Variants in HEMK2 observed in about 807,000 individuals in gnomAD.
HEMK2 encodes the protein methyltransferase HEMK2.
At chr21:28,766,875 T>C in the HEMK2 span, among the ~76,000 whole-genome samples, 2 of 152,030 alleles carry the variant, frequency 1.3e-5, no homozygotes, top group African/African-American at 4.8e-5. Flanking sequence ...GGGTGAGGGA[T>C]AAAAGACTAT....
the HEMK2 span, among the ~76,000 whole-genome samples, chr21:28,683,697 G>C: frequency 6.6e-6 from 1 of 152,066 alleles, no homozygotes; most frequent in Non-Finnish European, 1.5e-5. Flanking sequence ...TACATCTCCA[G>C]TGTTAGCGAT....
the HEMK2 span, among the ~76,000 whole-genome samples, chr21:28,799,997 G>T: frequency 1.3e-5 from 2 of 152,086 alleles, no homozygotes; most frequent in Non-Finnish European, 2.9e-5. Flanking sequence ...CTCAAGTCTG[G>T]CAGTATACAC....
the HEMK2 span, among the ~76,000 whole-genome samples, chr21:28,664,584 C>T: frequency 6.6e-6 from 1 of 152,014 alleles, no homozygotes; most frequent in South Asian, 2.1e-4. Flanking sequence ...ACTTTTTCCT[C>T]CTAAAACTTT....
At chr21:28,578,861 T>C in the HEMK2 span, among the ~76,000 whole-genome samples, 1 of 152,218 alleles carries the variant, frequency 6.6e-6, no homozygotes, top group Admixed American at 6.5e-5. Flanking sequence ...ACTAATAAAT[T>C]TGTAAGTATG....
chr21:28,765,793 A>G, the HEMK2 span, among the ~76,000 whole-genome samples: 2 of 152,078 alleles, frequency 1.3e-5, no homozygotes, highest in Non-Finnish European at 2.9e-5. Flanking sequence ...CTCACACTTG[A>G]GCTTCAGGAG....
At chr21:28,845,549 A>G in the HEMK2 span, among the ~76,000 whole-genome samples, 1 of 152,068 alleles carries the variant, frequency 6.6e-6, no homozygotes, top group Non-Finnish European at 1.5e-5. Flanking sequence ...AAGTATTTCT[A>G]TTCAATGTGA....
At chr21:28,779,947 C>T in the HEMK2 span, among the ~76,000 whole-genome samples, 1 of 152,148 alleles carries the variant, frequency 6.6e-6, no homozygotes, top group Non-Finnish European at 1.5e-5. Flanking sequence ...TTTGTTGCTA[C>T]ATTATTTTTT....
the HEMK2 span, among the ~76,000 whole-genome samples, chr21:28,641,552 T>C: frequency 1.3e-5 from 2 of 152,148 alleles, no homozygotes; most frequent in East Asian, 1.9e-4. Flanking sequence ...GAGACAATGA[T>C]GGATAGAAGG....
At chr21:28,812,356 G>A in the HEMK2 span, among the ~76,000 whole-genome samples, 1 of 152,062 alleles carries the variant, frequency 6.6e-6, no homozygotes, top group African/African-American at 2.4e-5. Flanking sequence ...GCATGAAGGG[G>A]TATTGAATTT....
chr21:28,624,607 T>A, the HEMK2 span, among the ~76,000 whole-genome samples: 1 of 152,296 alleles, frequency 6.6e-6, no homozygotes, highest in East Asian at 1.9e-4. Context: ...CTGTTTTGTA[T>A]CAGGCTCAAG....
the HEMK2 span, among the ~76,000 whole-genome samples, chr21:28,582,922 A>G: frequency 6.6e-6 from 1 of 152,220 alleles, no homozygotes; most frequent in Non-Finnish European, 1.5e-5. Context: ...GATAATATCA[A>G]GACAGTACAA....
At chr21:28,761,164 T>G in the HEMK2 span, among the ~76,000 whole-genome samples, 2 of 152,128 alleles carry the variant, frequency 1.3e-5, no homozygotes, top group Admixed American at 6.6e-5. Flanking sequence ...GTTTTTTGAA[T>G]CATCTATGTC....
At chr21:28,827,989 T>C in the HEMK2 span, among the ~76,000 whole-genome samples, 1 of 152,216 alleles carries the variant, frequency 6.6e-6, no homozygotes, top group Non-Finnish European at 1.5e-5. Context: ...ATACTTATAT[T>C]CTTATATATG....
the HEMK2 span, among the ~76,000 whole-genome samples, chr21:28,655,435 T>C: frequency 3.3e-5 from 5 of 152,184 alleles, no homozygotes; most frequent in South Asian, 1.0e-3. Context: ...AAAAATCCAT[T>C]TGAATTCATC....
the HEMK2 span, among the ~76,000 whole-genome samples, chr21:28,615,712 A>G: frequency 6.6e-6 from 1 of 152,246 alleles, no homozygotes; most frequent in Non-Finnish European, 1.5e-5. Context: ...TGAAATCACT[A>G]GAACTACAGT....
At chr21:28,784,391 G>GT in the HEMK2 span, among the ~76,000 whole-genome samples, 1 of 151,854 alleles carries the variant, frequency 6.6e-6, no homozygotes, top group Non-Finnish European at 1.5e-5. Context: ...CTCAAGGTTT[G>GT]TAAGTGCACC....
chr21:28,772,023 T>C, the HEMK2 span, among the ~76,000 whole-genome samples: 1 of 152,236 alleles, frequency 6.6e-6, no homozygotes, highest in Non-Finnish European at 1.5e-5. Flanking sequence ...TGAAATCCTC[T>C]TCACTAATCA....
the HEMK2 span, among the ~76,000 whole-genome samples, chr21:28,710,167 G>C: frequency 6.6e-6 from 1 of 152,280 alleles, no homozygotes; most frequent in Non-Finnish European, 1.5e-5. Flanking sequence ...TTGGAGCACA[G>C]GGAAGAATCT....
At chr21:28,666,681 G>T in the HEMK2 span, among the ~76,000 whole-genome samples, 2 of 152,106 alleles carry the variant, frequency 1.3e-5, no homozygotes, top group East Asian at 3.9e-4. Context: ...CTAGATTGGA[G>T]CAAAAGGTAG....
Sources: gnomAD v4.1 joint callset for allele counts (sites outside exome capture counted in the v4.1 genomes callset) on GRCh38, gnomAD v4.1.1 for gene constraint, MANE v1.5 for transcripts, NCBI Gene and HGNC (gene_info 2026-07-23, HGNC 2026-07-21) for gene names.